The following NECTIN2 variants were observed in gnomAD, a reference collection of about 807,000 sequenced individuals.
NECTIN2 encodes the protein nectin-2.
A neutral mutation model predicts 56.9 loss-of-function variants in NECTIN2; 23 were observed. The observed-to-expected ratio is 0.40, with a 90% CI of 0.29 to 0.57. The LOEUF (loss-of-function observed/expected upper bound fraction) is 0.57, where lower values mean the gene tolerates loss of function less well. NECTIN2 is among the 20% of genes least tolerant of loss of function. The probability of loss-of-function intolerance (pLI) is 0.38; values close to 1 mark genes in which losing one functional copy is unlikely to be tolerated. For missense variants in NECTIN2, 587 were observed against 718.3 expected (o/e 0.82, Z 2.09); for synonymous variants, 302 against 313.8 (o/e 0.96, Z 0.40).
rs1332426463 is a variant in NECTIN2, at chr19:44,875,915, G to C, written c.1042+1437G>C. Among the ~76,000 whole-genome samples, 2 of 152,270 alleles carry C rather than the reference G, an allele frequency of 1.3e-5. No homozygotes were observed. The highest frequency in any genetic ancestry group is 2.1e-4 in the South Asian group (1 of 4,832). On this transcript the variant is annotated intron_variant, in intron 5 of 8. Transcript: ENST00000252483. The surrounding 1 kb of genome is among the most constrained non-coding windows in gnomAD (Gnocchi z 4.2). ...GTCCCGCTCTGGGCTCGCCTGGCGC[G>C]TGAGGATGCACATAAGTCCCCGGAG...
At position 44,865,510 on chromosome 19, in the gene NECTIN2, C is replaced by G; in HGVS notation, c.328C>G (p.Gln110Glu). The G allele has an allele frequency of 6.3e-7, 1 of 1,599,634 alleles. No homozygotes were observed. Among genetic ancestry groups the G allele is most frequent in the Non-Finnish European group, 8.5e-7 (1 of 1,173,692 alleles). ...SERLSFVSAKQSTGQDTEAEL... is the reference protein window; with the variant it reads ...SERLSFVSAKESTGQDTEAEL... ...GCGGCTGTCCTTCGTCTCTGCCAAG[C>G]AGAGCACTGGGCAAGACACAGAGGC... The change falls in exon 2 of 9, where the codon CAG (glutamine) becomes GAG (glutamate). Residue 110 changes from glutamine to glutamate, a missense_variant. Physicochemically the swap from Gln to Glu is conservative, Grantham distance 29. Transcript: ENST00000252483. This position sits in a 1 kb window ranked among gnomAD's most constrained non-coding sequence, Gnocchi z 5.2.
chr19:44,853,644 A>C (rs549632198), intron 1 of NECTIN2, among the ~76,000 whole-genome samples: 117 of 151,048 alleles, frequency 7.7e-4, no homozygotes, highest in Non-Finnish European at 1.4e-3. Flanking sequence ...GCCCGCCACC[A>C]CGCCCGGCTA....
chr19:44,867,042 G>A (rs1446651520), intron 2 of NECTIN2, among the ~76,000 whole-genome samples: 2 of 151,142 alleles, frequency 1.3e-5, no homozygotes, highest in Non-Finnish European at 2.9e-5. Flanking sequence ...TTTTGAGACA[G>A]AGTTTTGCTC....
Position 44,865,553 on chromosome 19 carries a change from C to G in NECTIN2, c.371C>G (p.Thr124Arg). Residue 124 changes from threonine to arginine, a missense_variant, in exon 2 of 9, where the codon ACG (threonine) becomes AGG (arginine). By Grantham distance (71) the Thr-to-Arg change is moderately conservative. Transcript: ENST00000252483. The surrounding 1 kb of genome is among the most constrained non-coding windows in gnomAD (Gnocchi z 5.2). ...QDTEAELQDA[T>R]LALHGLTVED... is the part of the protein sequence containing the mutation. ...ACAGAGGCAGAGCTCCAGGACGCCA[C>G]GCTGGCCCTCCACGGGCTCACGGTG... The G allele has an allele frequency of 6.4e-7, 1 of 1,565,188 alleles. No homozygotes were observed. Among genetic ancestry groups the G allele is most frequent in the East Asian group, 2.4e-5 (1 of 41,978 alleles).
At chr19:44,851,426 C>T (rs1968898613) in intron 1 of NECTIN2, among the ~76,000 whole-genome samples, 1 of 150,182 alleles carries the variant, frequency 6.7e-6, no homozygotes, top group Non-Finnish European at 1.5e-5. Flanking sequence ...AGGCCCCCAG[C>T]CCCCTCCTTT....
In NECTIN2 at chr19:44,888,696, C is replaced by T; in HGVS notation, c.*317C>T. 1 of 355,774 alleles carries T rather than the reference C, an allele frequency of 2.8e-6. No individual in the cohort carries two copies. 22.0% of individuals were successfully genotyped at this position (355,774 alleles called of 1,614,324 possible). On this transcript the variant is annotated 3_prime_UTR_variant, in exon 9 of 9. Coordinates refer to ENST00000252483, the MANE Select transcript of NECTIN2 (RefSeq NM_001042724.2). Reference sequence around the variant, plus strand: ...TACCTCTCACCCCCCAATGCCTCGACTCCCCCAAAATCACAAAGAAGACCC... The same window carrying T: ...TACCTCTCACCCCCCAATGCCTCGATTCCCCCAAAATCACAAAGAAGACCC...
chr19:44,847,764 G>A (rs999556164), intron 1 of NECTIN2, among the ~76,000 whole-genome samples: 8 of 152,174 alleles, frequency 5.3e-5, no homozygotes, highest in African/African-American at 1.9e-4. Flanking sequence ...GGACTCCCCG[G>A]TTTCGGGACC....
chr19:44,866,872 A>G (rs1240125581), intron 2 of NECTIN2, among the ~76,000 whole-genome samples: 3 of 152,056 alleles, frequency 2.0e-5, no homozygotes, highest in Non-Finnish European at 4.4e-5. Flanking sequence ...AGGGTAAGGC[A>G]ACTACAAAGT....
intron 1 of NECTIN2, among the ~76,000 whole-genome samples, chr19:44,860,889 C>A (rs1021887106): frequency 2.6e-5 from 4 of 151,626 alleles, no homozygotes; most frequent in Non-Finnish European, 4.4e-5. Flanking sequence ...CTGCACCCAG[C>A]CTTAATTGTA....
At chr19:44,881,995 C>A in intron 5 of NECTIN2, 1 of 395,314 alleles carries the variant, frequency 2.5e-6, no homozygotes, top group Non-Finnish European at 4.4e-6. Context: ...TGAAGGTAGA[C>A]ACTTTGTATG....
At chr19:44,881,895 T>A (rs1445264970) in intron 5 of NECTIN2, 1 of 213,862 alleles carries the variant, frequency 4.7e-6, no homozygotes, top group East Asian at 9.9e-5. Context: ...TATTTTTGTA[T>A]CCCCCGTGAC....
At chr19:44,855,887 G>C (rs528952697) in intron 1 of NECTIN2, among the ~76,000 whole-genome samples, 1 of 152,212 alleles carries the variant, frequency 6.6e-6, no homozygotes, top group Non-Finnish European at 1.5e-5. Context: ...TGTTTGTTGA[G>C]TAACTATTTG....
chr19:44,885,309 T>C (rs1050517940), intron 6 of NECTIN2, among the ~76,000 whole-genome samples: 5 of 72,560 alleles, frequency 6.9e-5, no homozygotes, highest in Non-Finnish European at 1.3e-4. Flanking sequence ...CTTTCTTTCT[T>C]TTTTTTTTTT....
rs75458249 is a variant in NECTIN2, at chr19:44,875,960, G to A, written c.1042+1482G>A. 1.8e-3 allele frequency among the ~76,000 whole-genome samples: 276 copies of A among 152,232 alleles called. 1 individual carries two copies. The highest frequency in any genetic ancestry group is 6.4e-3 in the African/African-American group (267 of 41,518). ...CCGGAGGAAGACGTCACACAGACACGCTGGGGGCAAAACTAATCCAGGACA... is the reference window on the plus strand; with the variant it reads ...CCGGAGGAAGACGTCACACAGACACACTGGGGGCAAAACTAATCCAGGACA... On this transcript the variant is annotated intron_variant, in intron 5 of 8. Coordinates refer to ENST00000252483, the MANE Select transcript of NECTIN2 (RefSeq NM_001042724.2). The surrounding 1 kb of genome is among the most constrained non-coding windows in gnomAD (Gnocchi z 4.2).
In NECTIN2 at chr19:44,873,977, C is replaced by T. The variant is rs200665554; in HGVS notation, c.837C>T (p.Ala279=). The T allele has an allele frequency of 5.0e-6, 8 of 1,614,094 alleles. No homozygotes were observed. Among genetic ancestry groups the T allele is most frequent in the East Asian group, 2.2e-5 (1 of 44,880 alleles). The change falls in exon 4 of 9, where the codon GCC becomes GCT. Residue 279 remains alanine, a synonymous_variant. Transcript: ENST00000252483. ...ACTGGTACCTCGGCCGTACTGATGC[C>T]ACCCTGAGCTGTGACGTCCGCAGCA... ...DDNWYLGRTD[A]TLSCDVRSNP...
chr19:44,888,469 C>A lies in NECTIN2; in HGVS notation c.*90C>A. On this transcript the variant is annotated 3_prime_UTR_variant, in exon 9 of 9. Transcript: ENST00000252483. ...AGTGCCCCCTGACCTCTGGCCAGGCCACTGTCAGTTAACACATATGCATTC... is the reference window on the plus strand; with the variant it reads ...AGTGCCCCCTGACCTCTGGCCAGGCAACTGTCAGTTAACACATATGCATTC... The A allele has an allele frequency of 7.2e-7, 1 of 1,382,288 alleles. No homozygotes were observed. The highest frequency in any genetic ancestry group is 1.3e-5 in the South Asian group (1 of 74,438). The allele number at this position is 1,382,288 out of a possible 1,614,324, so 85.6% of individuals were successfully genotyped here. A position where few individuals can be genotyped will look rare whatever the true frequency, so the allele number is the denominator to read the frequency against.
At position 44,856,586 on chromosome 19, in the gene NECTIN2, C is replaced by T. The variant is rs562287742; in HGVS notation, c.89-8685C>T. 2.0e-5 allele frequency among the ~76,000 whole-genome samples: 3 copies of T among 152,312 alleles called. No individual in the cohort carries two copies. In the South Asian group the frequency reaches 6.2e-4, roughly 32 times the overall value. ...CAGGCCCAAATGGCTTTCCTTGACC[C>T]TCATTGAGTGGCCTTCCCCCCTTGC... On this transcript the variant is annotated intron_variant, in intron 1 of 8. Transcript: ENST00000252483.
intron 1 of NECTIN2, among the ~76,000 whole-genome samples, chr19:44,856,397 T>C (rs1337010706): frequency 6.6e-6 from 1 of 152,230 alleles, no homozygotes; most frequent in East Asian, 1.9e-4. Context: ...GTCATTTTGC[T>C]GTCTGGTCAT....
chr19:44,886,551 TCTCTA>T (rs1304146115), intron 8 of NECTIN2, among the ~76,000 whole-genome samples: 1 of 150,534 alleles, frequency 6.6e-6, no homozygotes, highest in Non-Finnish European at 1.5e-5. Context: ...TGAAACCCCG[TCTCTA>T]CTCAAAACAC....
Sources: allele counts gnomAD v4.1 joint callset (sites outside exome capture counted in the v4.1 genomes callset), GRCh38; gene constraint gnomAD v4.1.1; non-coding constraint Gnocchi (gnomAD v3.1); transcripts MANE v1.5; gene names NCBI Gene and HGNC (gene_info 2026-07-23, HGNC 2026-07-21).